SDCCAG8: variants seen among roughly 807,000 people sequenced by gnomAD.
SDCCAG8 encodes the protein serologically defined colon cancer antigen 8.
A neutral mutation model predicts 101.8 loss-of-function variants in SDCCAG8; 74 were observed. The ratio of observed to expected loss-of-function variants is 0.73; its 90% CI spans 0.60 to 0.88. The LOEUF (loss-of-function observed/expected upper bound fraction) is 0.88, where lower values mean the gene tolerates loss of function less well. Ranked by LOEUF, SDCCAG8 falls within the 40% of genes least tolerant of loss-of-function variation. The probability of loss-of-function intolerance (pLI) is 0.00; values close to 1 mark genes in which losing one functional copy is unlikely to be tolerated. For synonymous variants in SDCCAG8, 281 were observed against 292.9 expected (o/e 0.96, Z 0.41); for missense variants, 787 against 822.6 (o/e 0.96, Z 0.53).
intron 15 of SDCCAG8, among the ~76,000 whole-genome samples, chr1:243,424,929 T>A (rs1244798595): frequency 6.6e-6 from 1 of 152,146 alleles, no homozygotes; most frequent in Non-Finnish European, 1.5e-5. Context: ...TTTTTCTTCT[T>A]TTGAAATTTA....
chr1:243,438,046 G>A (rs1205476010), intron 16 of SDCCAG8, among the ~76,000 whole-genome samples: 1 of 152,176 alleles, frequency 6.6e-6, no homozygotes, highest in African/African-American at 2.4e-5. Context: ...GGGAGCTTGA[G>A]GCGTTTGCTT....
At chr1:243,296,461 A>G (rs1203673519) in intron 6 of SDCCAG8, among the ~76,000 whole-genome samples, 1 of 141,338 alleles carries the variant, frequency 7.1e-6, no homozygotes, top group Non-Finnish European at 1.5e-5. Context: ...TTATGTCTCC[A>G]CTTCTTTACC....
intron 6 of SDCCAG8, among the ~76,000 whole-genome samples, chr1:243,294,495 G>C (rs1182295521): frequency 7.1e-6 from 1 of 141,266 alleles, no homozygotes; most frequent in Non-Finnish European, 1.5e-5. Context: ...GAGAGAGAGA[G>C]AGAGAAAGAG....
chr1:243,397,155 G>T (rs2079077034), intron 13 of SDCCAG8, among the ~76,000 whole-genome samples: 1 of 152,152 alleles, frequency 6.6e-6, no homozygotes, highest in Non-Finnish European at 1.5e-5. Flanking sequence ...AAAGGAAAAG[G>T]CAGAAAACAT....
intron 15 of SDCCAG8, among the ~76,000 whole-genome samples, chr1:243,423,668 C>T (rs1456085976): frequency 6.6e-6 from 1 of 152,042 alleles, no homozygotes; most frequent in African/African-American, 2.4e-5. Context: ...TTTTACCTTG[C>T]TGAAGTACTA....
chr1:243,262,665 T>A (rs2067284060), intron 1 of SDCCAG8, among the ~76,000 whole-genome samples: 1 of 152,176 alleles, frequency 6.6e-6, no homozygotes, highest in African/African-American at 2.4e-5. Context: ...ATAGAGTAAG[T>A]TTTTTTCAAA....
chr1:243,489,125 C>G lies in SDCCAG8; in HGVS notation c.2097C>G (p.Asp699Glu). 6.2e-7 allele frequency: 1 copy of G among 1,612,624 alleles called. No individual in the cohort carries two copies. Among genetic ancestry groups the G allele is most frequent in the South Asian group, 1.1e-5 (1 of 91,006 alleles). Residue 699 changes from aspartate to glutamate, a missense_variant, in exon 17 of 18, where the codon GAC (aspartate) becomes GAG (glutamate). By Grantham distance (45) the Asp-to-Glu change is conservative. Transcript: ENST00000366541. ...LERQSLSEEVDRLRTQLPSMP... is the reference protein window; with the variant it reads ...LERQSLSEEVERLRTQLPSMP... Reference sequence around the variant, plus strand: ...GGCAGAGCCTGTCGGAAGAGGTGGACCGGCTGCGGACCCAGGTACTGTGCA... The same window carrying G: ...GGCAGAGCCTGTCGGAAGAGGTGGAGCGGCTGCGGACCCAGGTACTGTGCA...
rs78239548 is a variant in SDCCAG8, at chr1:243,329,568, G to C, written c.1069-972G>C. Reference sequence around the variant, plus strand: ...CTGGGGTTCTTTCTACCATTTCAGGGGAAAAGAGAGGTTGTGTGAGGTGGA... The same window carrying C: ...CTGGGGTTCTTTCTACCATTTCAGGCGAAAAGAGAGGTTGTGTGAGGTGGA... On this transcript the variant is annotated intron_variant, in intron 9 of 17. Transcript: ENST00000366541. Among the ~76,000 whole-genome samples the C allele has an allele frequency of 3.2e-3, 484 of 152,212 alleles. 19 individuals carry two copies. In the East Asian group the frequency reaches 0.084, roughly 26 times the overall value.
chr1:243,424,917 T>G (rs1205472031), intron 15 of SDCCAG8, among the ~76,000 whole-genome samples: 1 of 152,102 alleles, frequency 6.6e-6, no homozygotes, highest in Non-Finnish European at 1.5e-5. Context: ...GTTTAAGGAT[T>G]TTTTTTCTTC....
At chr1:243,476,308 C>A (rs1275948368) in intron 16 of SDCCAG8, 2 of 985,302 alleles carry the variant, frequency 2.0e-6, no homozygotes, top group Non-Finnish European at 2.4e-6. Context: ...TAGCGGACGG[C>A]CAGGAGTTGT....
intron 16 of SDCCAG8, among the ~76,000 whole-genome samples, chr1:243,428,677 T>C (rs1210817410): frequency 3.3e-5 from 5 of 152,260 alleles, no homozygotes; most frequent in Non-Finnish European, 5.9e-5. Flanking sequence ...AAATCTATTA[T>C]AAAAAGTTAA....
At chr1:243,441,742 TTATACAAGTCAGA>T in intron 16 of SDCCAG8, among the ~76,000 whole-genome samples, 1 of 152,316 alleles carries the variant, frequency 6.6e-6, no homozygotes, top group East Asian at 1.9e-4. Context: ...TGAGATTGTT[TTATACAAGTCAGA>T]TCAGCACATA....
chr1:243,368,597 G>C (rs2077119297), intron 12 of SDCCAG8, among the ~76,000 whole-genome samples: 5 of 152,116 alleles, frequency 3.3e-5, no homozygotes, highest in Admixed American at 3.3e-4. Context: ...TTGGATGATA[G>C]TTCATTTAGG....
chr1:243,306,395 T>C (rs148323689), intron 7 of SDCCAG8: 2 of 152,154 alleles, frequency 1.3e-5, no homozygotes, highest in South Asian at 2.1e-4. Context: ...TCATTCAGAA[T>C]CCAGATATTT....
intron 12 of SDCCAG8, among the ~76,000 whole-genome samples, chr1:243,365,482 C>T (rs1475402348): frequency 6.6e-6 from 1 of 151,990 alleles, no homozygotes; most frequent in Non-Finnish European, 1.5e-5. Flanking sequence ...TTTTATATTC[C>T]CTTTAGCAAT....
At chr1:243,494,576 C>T (rs975437195) in intron 17 of SDCCAG8, among the ~76,000 whole-genome samples, 11 of 152,094 alleles carry the variant, frequency 7.2e-5, no homozygotes, top group African/African-American at 9.7e-5. Context: ...CTGAGCGCCC[C>T]GTGTATAATT....
Position 243,267,675 on chromosome 1 carries a change from C to G in SDCCAG8, c.68-2430C>G, listed in dbSNP as rs552933213. ...ACTTACACACACTTAGGCTGAGTTA[C>G]TCTCTGTACTAAGCAGTCATGTGCA... On this transcript the variant is annotated intron_variant, in intron 1 of 17. Coordinates refer to ENST00000366541, the MANE Select transcript of SDCCAG8 (RefSeq NM_006642.5). 4.2e-4 allele frequency: 325 copies of G among 766,386 alleles called. 7 individuals carry two copies. The highest frequency in any genetic ancestry group is 4.2e-3 in the South Asian group (310 of 74,492). The allele number at this position is 766,386 out of a possible 1,614,324, so 47.5% of individuals were successfully genotyped here.
intron 13 of SDCCAG8, among the ~76,000 whole-genome samples, chr1:243,411,570 C>T (rs1448663386): frequency 6.6e-6 from 1 of 152,140 alleles, no homozygotes; most frequent in East Asian, 1.9e-4. Flanking sequence ...CAAAACATGT[C>T]CTTGTGCCCT....
intron 16 of SDCCAG8, among the ~76,000 whole-genome samples, chr1:243,452,001 A>G (rs774467858): frequency 6.6e-6 from 1 of 152,210 alleles, no homozygotes; most frequent in Non-Finnish European, 1.5e-5. Context: ...CATGACCCAC[A>G]GTTAAAAAAC....
Sources: allele counts gnomAD v4.1 joint callset (sites outside exome capture counted in the v4.1 genomes callset), GRCh38; gene constraint gnomAD v4.1.1; transcripts MANE v1.5; gene names NCBI Gene and HGNC (gene_info 2026-07-23, HGNC 2026-07-21).